FOXK1: variants seen among roughly 807,000 people sequenced by gnomAD.
The protein encoded by FOXK1 is forkhead box protein K1.
Under a neutral mutation model 51.9 loss-of-function variants are expected in FOXK1, and 19 were observed. The ratio of observed to expected loss-of-function variants is 0.37; its 90% CI spans 0.26 to 0.54. The LOEUF is 0.54. FOXK1 is among the 20% of genes least tolerant of loss of function. The pLI, the probability that FOXK1 is intolerant of heterozygous loss-of-function variation, is 0.87. For missense variants in FOXK1, 870 were observed against 1,032.7 expected (o/e 0.84, Z 2.16); for synonymous variants, 537 against 482.6 (o/e 1.11, Z -1.48).
rs1780809565 is a variant in FOXK1 at position 4,753,900 on chromosome 7, G to A, written c.747-559G>A. ...GGCAGGGGCATCTCAGCGGCTCAGG[G>A]CAAAACTGCAGGGGTCATCTCTTCC... On this transcript the variant is annotated intron_variant, in intron 2 of 8. Coordinates refer to ENST00000328914, the MANE Select transcript of FOXK1 (RefSeq NM_001037165.2). This position sits in a 1 kb window ranked among gnomAD's most constrained non-coding sequence, Gnocchi z 4.9. Among the ~76,000 whole-genome samples, 1 of 152,192 alleles carries A rather than the reference G, an allele frequency of 6.6e-6. No homozygotes were observed. Among genetic ancestry groups the A allele is most frequent in the Non-Finnish European group, 1.5e-5 (1 of 68,038 alleles).
rs542037691 is a variant in FOXK1 at position 4,723,405 on chromosome 7, G to C, written c.561-17433G>C. Among the ~76,000 whole-genome samples the C allele has an allele frequency of 1.3e-5, 2 of 151,482 alleles. No individual in the cohort carries two copies. Among genetic ancestry groups the C allele is most frequent in the Admixed American group, 6.6e-5 (1 of 15,212 alleles). The stretch of plus-strand genomic sequence containing the variant: ...TTTCTGTGGGGTTTTTTTTTTGGAC[G>C]TTCCCAGCTGACTAAATTTGCCTTC... On this transcript the variant is annotated intron_variant, in intron 1 of 8. Transcript: ENST00000328914. The surrounding 1 kb of genome is among the most constrained non-coding windows in gnomAD (Gnocchi z 4.7).
intron 1 of FOXK1, among the ~76,000 whole-genome samples, chr7:4,725,490 C>G (rs938691104): frequency 6.6e-6 from 1 of 152,368 alleles, no homozygotes; most frequent in East Asian, 1.9e-4. Flanking sequence ...GGCAGAGGCC[C>G]GGGGCCAGAT....
intron 1 of FOXK1, among the ~76,000 whole-genome samples, chr7:4,717,487 GGCTGGGAGGCGTA>G (rs1780251471): frequency 1.5e-5 from 2 of 137,850 alleles, no homozygotes; most frequent in South Asian, 2.1e-4. Context: ...GGAGGCATGT[GGCTGGGAGGCGTA>G]TGGCTGGGAG....
At position 4,768,903 on chromosome 7, in the gene FOXK1, G is replaced by T. The variant is rs1241509208; in HGVS notation, c.*6439G>T. The T allele has an allele frequency of 6.6e-6, 1 of 152,272 alleles. No individual in the cohort carries two copies. Among genetic ancestry groups the T allele is most frequent in the Non-Finnish European group, 1.5e-5 (1 of 68,080 alleles). The allele number at this position is 152,272 out of a possible 1,614,324, so 9.4% of individuals were successfully genotyped here. A position where few individuals can be genotyped will look rare whatever the true frequency, so the allele number is the denominator to read the frequency against. On this transcript the variant is annotated 3_prime_UTR_variant, in exon 9 of 9. Transcript: ENST00000328914. ...ATGAAACCCTGAGGGTCAGTGAGTG[G>T]AGGCCTTCCCTCGGGGCCAGCCATT...
intron 1 of FOXK1, among the ~76,000 whole-genome samples, chr7:4,693,293 T>C (rs1447919056): frequency 6.6e-6 from 1 of 152,200 alleles, no homozygotes; most frequent in East Asian, 1.9e-4. Flanking sequence ...AGAAATCTTT[T>C]ATAGGAACAG....
chr7:4,724,633 C>T (rs1335494665), intron 1 of FOXK1, among the ~76,000 whole-genome samples: 1 of 152,246 alleles, frequency 6.6e-6, no homozygotes, highest in East Asian at 1.9e-4. Context: ...TCCACGGCCC[C>T]CATCCTAGAC....
chr7:4,687,598 C>A (rs1562640112), intron 1 of FOXK1, among the ~76,000 whole-genome samples: 1 of 152,122 alleles, frequency 6.6e-6, no homozygotes, highest in Non-Finnish European at 1.5e-5. Flanking sequence ...CCGGCCCCAA[C>A]TGAATTCTTG....
Position 4,682,713 on chromosome 7 carries a change from C to G in FOXK1, c.405C>G (p.Asp135Glu), listed in dbSNP as rs1779767494. ...GCAACTCGTCGCAGGGCTCGGTGGACTTGAGCATGGGCCTGTCCAGCTTCA... is the reference window on the plus strand; with the variant it reads ...GCAACTCGTCGCAGGGCTCGGTGGAGTTGAGCATGGGCCTGTCCAGCTTCA... ...IGRNSSQGSV[D>E]LSMGLSSFIS... is the part of the protein sequence containing the mutation. Residue 135 changes from aspartate to glutamate, a missense_variant, in exon 1 of 9, where the codon GAC (aspartate) becomes GAG (glutamate). Asp to Glu is a conservative substitution (Grantham distance 45). Around this residue, in one of 3 missense-constraint regions of FOXK1, gnomAD observed 399 missense variants for 475.6 expected, o/e 0.84. Transcript: ENST00000328914. The surrounding 1 kb of genome is among the most constrained non-coding windows in gnomAD (Gnocchi z 7.6). The G allele has an allele frequency of 5.0e-6, 8 of 1,604,168 alleles. No individual in the cohort carries two copies. The highest frequency in any genetic ancestry group is 6.8e-6 in the Non-Finnish European group (8 of 1,178,408).
rs568125258 is a variant in FOXK1, at chr7:4,760,773, C to T, written c.1697-291C>T. On this transcript the variant is annotated intron_variant, in intron 7 of 8. Transcript: ENST00000328914. ...GGCTGAGGCAGGAGAATCGCTTGAACCCGGGAGGCGGAGGTTGCAGTGAGC... is the reference window on the plus strand; with the variant it reads ...GGCTGAGGCAGGAGAATCGCTTGAATCCGGGAGGCGGAGGTTGCAGTGAGC... 7.2e-5 allele frequency among the ~76,000 whole-genome samples: 11 copies of T among 152,278 alleles called. No homozygotes were observed. In the South Asian group the frequency reaches 2.3e-3, roughly 32 times the overall value.
chr7:4,755,122 C>T lies in FOXK1; in HGVS notation c.904-115C>T, dbSNP rs1188084150. ...AGTTGGAGGGCACTGGGACGGGTGCCGGCAAGACGCGCACATTCTCGTGGG... is the reference window on the plus strand; with the variant it reads ...AGTTGGAGGGCACTGGGACGGGTGCTGGCAAGACGCGCACATTCTCGTGGG... On this transcript the variant is annotated intron_variant, in intron 3 of 8. Transcript: ENST00000328914. This position sits in a 1 kb window ranked among gnomAD's most constrained non-coding sequence, Gnocchi z 6.6. 4.4e-6 allele frequency: 6 copies of T among 1,351,042 alleles called. No individual in the cohort carries two copies. In the East Asian group the frequency reaches 9.7e-5, roughly 22 times the overall value. 83.7% of individuals were successfully genotyped at this position (1,351,042 alleles called of 1,614,324 possible). A position where few individuals can be genotyped will look rare whatever the true frequency, so the allele number is the denominator to read the frequency against.
rs768233238 is a variant in FOXK1 at position 4,711,705 on chromosome 7, G to T, written c.560+28837G>T. Among the ~76,000 whole-genome samples, 1 of 152,238 alleles carries T rather than the reference G, an allele frequency of 6.6e-6. No individual in the cohort carries two copies. Among genetic ancestry groups the T allele is most frequent in the South Asian group, 2.1e-4 (1 of 4,838 alleles). On this transcript the variant is annotated intron_variant, in intron 1 of 8. Coordinates refer to ENST00000328914, the MANE Select transcript of FOXK1 (RefSeq NM_001037165.2). This position sits in a 1 kb window ranked among gnomAD's most constrained non-coding sequence, Gnocchi z 6.3. ...ATAAGGGGTGGGCAGTGGTGCTGCC[G>T]TGTCTTGTCAGGAGGCCAGCTCTGT...
chr7:4,749,759 G>A lies in FOXK1; in HGVS notation c.747-4700G>A, dbSNP rs1780751099. ...TTGAGGGTGGACTGGAAGGACCGCA[G>A]CCCTGTGCCCTGGGGAAGGCTTGTC... is the stretch of plus-strand genomic sequence containing the variant. On this transcript the variant is annotated intron_variant, in intron 2 of 8. Transcript: ENST00000328914. This position sits in a 1 kb window ranked among gnomAD's most constrained non-coding sequence, Gnocchi z 6.0. 6.6e-6 allele frequency among the ~76,000 whole-genome samples: 1 copy of A among 152,258 alleles called. No homozygotes were observed. The highest frequency in any genetic ancestry group is 6.5e-5 in the Admixed American group (1 of 15,288).
At chr7:4,696,588 C>T (rs566799066) in intron 1 of FOXK1, among the ~76,000 whole-genome samples, 6 of 152,306 alleles carry the variant, frequency 3.9e-5, no homozygotes, top group South Asian at 4.1e-4. Context: ...CCAGAAGCTG[C>T]GAGTCCCTCG....
chr7:4,740,971 C>G lies in FOXK1; in HGVS notation c.694C>G (p.Pro232Ala), dbSNP rs1223001859. Reference sequence around the variant, plus strand: ...CCCTCTGAAGATCCACATCCCGGAGCCGGACCTCCGGAGCATGGTCAGCCC... The same window carrying G: ...CCCTCTGAAGATCCACATCCCGGAGGCGGACCTCCGGAGCATGGTCAGCCC... ...ISPLKIHIPE[P>A]DLRSMVSPVP... Residue 232 changes from proline (P) to alanine (A), a missense_variant, in exon 2 of 9, where the codon CCG becomes GCG. By Grantham distance (27) the Pro-to-Ala change is conservative. This residue lies in a region of FOXK1 where 399 missense variants were observed against 475.6 expected (regional missense o/e 0.84). Coordinates refer to ENST00000328914, the MANE Select transcript of FOXK1 (RefSeq NM_001037165.2). 2.6e-6 allele frequency: 4 copies of G among 1,563,752 alleles called. No individual in the cohort carries two copies. The highest frequency in any genetic ancestry group is 2.6e-6 in the Non-Finnish European group (3 of 1,159,650).
intron 1 of FOXK1, among the ~76,000 whole-genome samples, chr7:4,701,159 G>A (rs956533513): frequency 6.6e-6 from 1 of 152,192 alleles, no homozygotes; most frequent in East Asian, 1.9e-4. Context: ...AGCTCCCTGC[G>A]GCTGTGAAGG....
chr7:4,704,213 G>A (rs1774901934), intron 1 of FOXK1, among the ~76,000 whole-genome samples: 1 of 152,134 alleles, frequency 6.6e-6, no homozygotes, highest in Admixed American at 6.6e-5. Flanking sequence ...CACTTTGGGA[G>A]GCTGAGGCAG....
chr7:4,705,552 T>TCTCGCTCTCGCTCTCGCTCTCGCTCTCG (rs1554249279), intron 1 of FOXK1, among the ~76,000 whole-genome samples: 26 of 143,690 alleles, frequency 1.8e-4, no homozygotes, highest in African/African-American at 4.3e-4. Flanking sequence ...TCTCTCTCTC[T>TCTCGCTCTCGCTCTCGCTCTCGCTCTCG]CTCTCTCGCT....
intron 1 of FOXK1, among the ~76,000 whole-genome samples, chr7:4,738,817 A>G (rs1233056271): frequency 6.6e-6 from 1 of 152,092 alleles, no homozygotes; most frequent in Admixed American, 6.6e-5. Context: ...CTCGGGGAGA[A>G]TCAGGACTGG....
At position 4,764,669 on chromosome 7, in the gene FOXK1, G is replaced by A. The variant is rs1780986099; in HGVS notation, c.*2205G>A. Reference sequence around the variant, plus strand: ...CGGGGGGCCTCTGTGATTACCTGCTGCTGCTCTCTCCCGCGTGGTGACTAT... The same window carrying A: ...CGGGGGGCCTCTGTGATTACCTGCTACTGCTCTCTCCCGCGTGGTGACTAT... On this transcript the variant is annotated 3_prime_UTR_variant, in exon 9 of 9. Coordinates refer to ENST00000328914, the MANE Select transcript of FOXK1 (RefSeq NM_001037165.2). The A allele has an allele frequency of 6.6e-6, 1 of 152,526 alleles. No homozygotes were observed. The highest frequency in any genetic ancestry group is 2.4e-5 in the African/African-American group (1 of 41,460). The allele number at this position is 152,526 out of a possible 1,614,324, so 9.4% of individuals were successfully genotyped here.
Sources: gnomAD v4.1 joint callset for allele counts (sites outside exome capture counted in the v4.1 genomes callset) on GRCh38, gnomAD v4.1.1 for gene constraint, gnomAD v4.1.1 regional missense constraint, Gnocchi (gnomAD v3.1) non-coding constraint, MANE v1.5 for transcripts, NCBI Gene and HGNC (gene_info 2026-07-23, HGNC 2026-07-21) for gene names.